LYSMD1: variants seen among roughly 807,000 people sequenced by gnomAD.
The protein encoded by LYSMD1 is LysM domain containing 1.
Under a neutral mutation model 19.3 loss-of-function variants are expected in LYSMD1, and 9 were observed. The observed-to-expected ratio is 0.47, with a 90% CI of 0.28 to 0.81. LYSMD1 has a LOEUF of 0.81. LYSMD1 is among the 40% of genes least tolerant of loss of function. The pLI is 0.11. For synonymous variants in LYSMD1, 111 were observed against 111.7 expected (o/e 0.99, Z 0.04); for missense variants, 262 against 279.8 (o/e 0.94, Z 0.45).
intron 1 of LYSMD1, among the ~76,000 whole-genome samples, chr1:151,164,623 A>T (rs1267382821): frequency 1.3e-5 from 2 of 152,222 alleles, no homozygotes; most frequent in East Asian, 3.8e-4. Context: ...GAGAACTAAA[A>T]ATCAGCTCTC....
downstream of LYSMD1, among the ~76,000 whole-genome samples, chr1:151,155,928 C>A (rs1683206341): frequency 6.6e-6 from 1 of 151,482 alleles, no homozygotes; most frequent in Non-Finnish European, 1.5e-5. Context: ...CATGGTGAAA[C>A]CGTCTCTACT....
At chr1:151,155,800 C>T (rs988044489), downstream of LYSMD1, among the ~76,000 whole-genome samples, 1 of 152,020 alleles carries the variant, frequency 6.6e-6, no homozygotes, top group Non-Finnish European at 1.5e-5. Flanking sequence ...AAAGTAGCTA[C>T]TACAGTAGCC....
At chr1:151,161,663 G>C in intron 2 of LYSMD1, 73 bp downstream of exon 2, 1 of 1,552,156 alleles carries the variant, frequency 6.4e-7, no homozygotes, top group Non-Finnish European at 8.7e-7. Flanking sequence ...ACTTACTTGT[G>C]TTTGTGGTTA....
intron 1 of LYSMD1, among the ~76,000 whole-genome samples, chr1:151,164,455 A>G (rs1010181961): frequency 3.9e-5 from 6 of 152,202 alleles, no homozygotes; most frequent in African/African-American, 9.7e-5. Flanking sequence ...ATCAACTTCA[A>G]TGCTGTACAT....
At chr1:151,163,402 T>C (rs903602218) in intron 1 of LYSMD1, among the ~76,000 whole-genome samples, 1 of 152,136 alleles carries the variant, frequency 6.6e-6, no homozygotes, top group Non-Finnish European at 1.5e-5. Flanking sequence ...CCTACAGACC[T>C]TGACACATAG....
chr1:151,160,873 C>A lies in LYSMD1; in HGVS notation c.*9G>T. The A allele has an allele frequency of 6.2e-7, 1 of 1,613,164 alleles. No individual in the cohort carries two copies. The highest frequency in any genetic ancestry group is 1.1e-5 in the South Asian group (1 of 91,062). On this transcript the variant is annotated 3_prime_UTR_variant, in exon 3 of 3. Coordinates refer to ENST00000368908, the MANE Select transcript of LYSMD1 (RefSeq NM_212551.5). ...AACATCTTGCTTCTCTCAGTCAGTT[C>A]TGGGGACATCAGAGTTTGAAGATTT... is the stretch of plus-strand genomic sequence containing the variant.
At chr1:151,164,960 G>T in intron 1 of LYSMD1, 119 bp downstream of exon 1, 1 of 827,160 alleles carries the variant, frequency 1.2e-6, no homozygotes, top group Non-Finnish European at 1.9e-6. Context: ...GATAAAGGCA[G>T]AACAGAGTGC....
chr1:151,164,354 T>C (rs1052532640), intron 1 of LYSMD1, among the ~76,000 whole-genome samples: 1 of 152,218 alleles, frequency 6.6e-6, no homozygotes, highest in Non-Finnish European at 1.5e-5. Context: ...GTGCTTTAAA[T>C]ACAGCAAGCA....
rs1683473169 is a variant in LYSMD1 at position 151,161,924 on chromosome 1, G to GT, written c.356dup (p.His119GlnfsTer4). ...TCTCTTGTTTCTTCCTCTCAGTTGA[G>GT]TGTGGCCAAACTTCACTGTTACTTG... On this transcript the variant is annotated frameshift_variant, in exon 2 of 3. Coordinates refer to ENST00000368908, the MANE Select transcript of LYSMD1 (RefSeq NM_212551.5). LOFTEE classifies it high-confidence loss of function. 6.2e-7 allele frequency: 1 copy of GT among 1,614,130 alleles called. No individual in the cohort carries two copies.
At chr1:151,162,212 A>G (rs1683483317) in intron 1 of LYSMD1, 112 bp from the exon 2 acceptor site, 2 of 1,018,830 alleles carry the variant, frequency 2.0e-6, no homozygotes, top group Non-Finnish European at 2.8e-6. Context: ...CAACCAAGCT[A>G]AAGTACAAAG....
chr1:151,160,110 A>T lies in LYSMD1; in HGVS notation c.*772T>A, dbSNP rs1683381611. 1 of 151,514 alleles carries T rather than the reference A, an allele frequency of 6.6e-6. No homozygotes were observed. The highest frequency in any genetic ancestry group is 1.5e-5 in the Non-Finnish European group (1 of 67,912). The allele number at this position is 151,514 out of a possible 1,614,324, so 9.4% of individuals were successfully genotyped here. A position where few individuals can be genotyped will look rare whatever the true frequency, so the allele number is the denominator to read the frequency against. ...CCACAGGCTGAGCAGAACAGGTCAG[A>T]AGGGTGAACTGGTAGAATGGAGAGT... On this transcript the variant is annotated 3_prime_UTR_variant, in exon 3 of 3. Transcript: ENST00000368908.
downstream of LYSMD1, chr1:151,158,848 C>T: frequency 6.2e-7 from 1 of 1,614,188 alleles, no homozygotes; most frequent in Non-Finnish European, 8.5e-7. Flanking sequence ...GGAGTACACG[C>T]ACAGCCGGCC....
intron 1 of LYSMD1, among the ~76,000 whole-genome samples, chr1:151,163,658 G>A (rs1007510190): frequency 6.6e-6 from 1 of 151,946 alleles, no homozygotes; most frequent in Non-Finnish European, 1.5e-5. Flanking sequence ...CTCCCCAGTA[G>A]GTGGGATTAC....
In LYSMD1 at chr1:151,165,839, C is replaced by T. The variant is rs1344405128; in HGVS notation, c.-581G>A. ...ACATCTAGGTTGTTGTCCCTCCAAA[C>T]GCCTCAGATCCGCCAAGATGCAAGG... On this transcript the variant is annotated 5_prime_UTR_variant, in exon 1 of 3. Coordinates refer to ENST00000368908, the MANE Select transcript of LYSMD1 (RefSeq NM_212551.5). The T allele has an allele frequency of 2.9e-6, 4 of 1,394,998 alleles. No homozygotes were observed. In the African/African-American group the frequency reaches 5.7e-5, roughly 20 times the overall value. 86.4% of individuals were successfully genotyped at this position (1,394,998 alleles called of 1,614,324 possible).
At chr1:151,153,331 C>T in the LYSMD1 span, among the ~76,000 whole-genome samples, 1 of 152,066 alleles carries the variant, frequency 6.6e-6, no homozygotes, top group East Asian at 1.9e-4. Context: ...TGTACTCCAG[C>T]CTGGGCAAGA....
At chr1:151,155,652 G>A (rs1200485011), downstream of LYSMD1, among the ~76,000 whole-genome samples, 2 of 152,200 alleles carry the variant, frequency 1.3e-5, no homozygotes, top group Non-Finnish European at 2.9e-5. Flanking sequence ...GGAGGTCAAG[G>A]CTGCAGTCAG....
At chr1:151,159,387 T>C (rs587639586), downstream of LYSMD1, 12 of 1,018,766 alleles carry the variant, frequency 1.2e-5, no homozygotes, top group Admixed American at 2.6e-4. Flanking sequence ...AAGAGTGCTT[T>C]TGACTCTGAG....
In LYSMD1 at chr1:151,165,440, C is replaced by A; in HGVS notation, c.-182G>T. ...CCTCCCGGTTTCTCCTCCCTCCAAG[C>A]TACTTATCCACAAATCTGTCCCTTG... On this transcript the variant is annotated 5_prime_UTR_variant, in exon 1 of 3. Coordinates refer to ENST00000368908, the MANE Select transcript of LYSMD1 (RefSeq NM_212551.5). The A allele has an allele frequency of 2.8e-6, 4 of 1,435,210 alleles. No individual in the cohort carries two copies. In the East Asian group the frequency reaches 7.5e-5, roughly 27 times the overall value. 88.9% of individuals were successfully genotyped at this position (1,435,210 alleles called of 1,614,324 possible). A position where few individuals can be genotyped will look rare whatever the true frequency, so the allele number is the denominator to read the frequency against.
chr1:151,165,711 C>T lies in LYSMD1; in HGVS notation c.-453G>A. 6.4e-7 allele frequency: 1 copy of T among 1,551,708 alleles called. No individual in the cohort carries two copies. Among genetic ancestry groups the T allele is most frequent in the South Asian group, 1.2e-5 (1 of 84,060 alleles). ...ACCCCAGGTGAACTGTCGCCGCAGA[C>T]GAAGAGCGTGAGGATTGCAAGAATT... On this transcript the variant is annotated 5_prime_UTR_variant, in exon 1 of 3. Transcript: ENST00000368908.
Sources: allele counts gnomAD v4.1 joint callset (sites outside exome capture counted in the v4.1 genomes callset), GRCh38; gene constraint gnomAD v4.1.1; transcripts MANE v1.5; gene names NCBI Gene and HGNC (gene_info 2026-07-23, HGNC 2026-07-21).